NR2C1: variants seen among roughly 807,000 people sequenced by gnomAD.
The protein encoded by NR2C1 is TR2 nuclear hormone receptor.
NR2C1 carries 33 observed loss-of-function variants against 74.8 expected under a neutral mutation model. The ratio of observed to expected loss-of-function variants is 0.44; its 90% CI spans 0.33 to 0.59. NR2C1 has a LOEUF of 0.59. NR2C1 is among the 20% of genes least tolerant of loss of function. The probability of loss-of-function intolerance (pLI) is 0.02; values close to 1 mark genes in which losing one functional copy is unlikely to be tolerated. For missense variants in NR2C1, 568 were observed against 715.6 expected (o/e 0.79, Z 2.35); for synonymous variants, 225 against 240.6 (o/e 0.94, Z 0.60).
rs776957858 is a variant in NR2C1, at chr12:95,057,825, A to G, written c.598T>C (p.Cys200Arg). ...IEVSREKSSN[C>R]AASTEKIYIR... ...TAGATTTTTTCTGTTGAAGCGGCAC[A>G]GTTGGAAGATTTTTCTCGTGATACT... Residue 200 changes from cysteine to arginine, a missense_variant, in exon 6 of 14, where the codon TGT (cysteine) becomes CGT (arginine). Transcript: ENST00000333003. The G allele has an allele frequency of 6.2e-7, 1 of 1,614,078 alleles. No homozygotes were observed. Among genetic ancestry groups the G allele is most frequent in the Non-Finnish European group, 8.5e-7 (1 of 1,179,922 alleles).
In NR2C1 at chr12:95,057,850, T is replaced by A; in HGVS notation, c.573A>T (p.Glu191Asp). 1 of 1,613,952 alleles carries A rather than the reference T, an allele frequency of 6.2e-7. No homozygotes were observed. Among genetic ancestry groups the A allele is most frequent in the Non-Finnish European group, 8.5e-7 (1 of 1,179,858 alleles). ...DSVQCERKPIEVSREKSSNCA... is the reference protein window; with the variant it reads ...DSVQCERKPIDVSREKSSNCA... ...AGTTGGAAGATTTTTCTCGTGATAC[T>A]TCAATGGGTTTTCTTTCACATTGGA... is the stretch of plus-strand genomic sequence containing the variant. Residue 191 changes from glutamate (E) to aspartate (D), a missense_variant, in exon 6 of 14, where the codon GAA (glutamate) becomes GAT (aspartate). This residue lies in a region of NR2C1 where 239 missense variants were observed against 232.3 expected (regional missense o/e 1.03). Coordinates refer to ENST00000333003, the MANE Select transcript of NR2C1 (RefSeq NM_003297.4).
chr12:95,070,734 G>A (rs1429089528), intron 1 of NR2C1, among the ~76,000 whole-genome samples: 2 of 152,082 alleles, frequency 1.3e-5, no homozygotes, highest in East Asian at 3.8e-4. Flanking sequence ...CATTCACAAG[G>A]TGCCTGGCAC....
chr12:95,052,001 G>T, intron 7 of NR2C1, 58 bp from the exon 8 acceptor site: 3 of 1,138,890 alleles, frequency 2.6e-6, no homozygotes, highest in Non-Finnish European at 2.5e-6. Flanking sequence ...TTTTCAATCT[G>T]AAATATCCAA....
chr12:95,037,223 G>A (rs955050747), intron 10 of NR2C1, among the ~76,000 whole-genome samples: 2 of 152,096 alleles, frequency 1.3e-5, no homozygotes, highest in Admixed American at 1.3e-4. Context: ...CCACTACCCC[G>A]CAATGGAATC....
At chr12:95,022,815 C>G (rs1236500347) in intron 13 of NR2C1, among the ~76,000 whole-genome samples, 1 of 151,910 alleles carries the variant, frequency 6.6e-6, no homozygotes, top group Non-Finnish European at 1.5e-5. Flanking sequence ...CCGCCTCAGC[C>G]TCCCAAGTAG....
rs201698034 is a variant in NR2C1 at position 95,057,824 on chromosome 12, C to T, written c.599G>A (p.Cys200Tyr). The change falls in exon 6 of 14, where the codon TGT becomes TAT. Residue 200 changes from cysteine to tyrosine, a missense_variant. Physicochemically the swap from Cys to Tyr is radical, Grantham distance 194 (BLOSUM62 -2). Transcript: ENST00000333003. The part of the protein sequence containing the change: ...IEVSREKSSN[C>Y]AASTEKIYIR... ...ATAGATTTTTTCTGTTGAAGCGGCA[C>T]AGTTGGAAGATTTTTCTCGTGATAC... The T allele has an allele frequency of 6.2e-7, 1 of 1,614,004 alleles. No individual in the cohort carries two copies. The highest frequency in any genetic ancestry group is 1.1e-5 in the South Asian group (1 of 91,082).
Position 95,067,385 on chromosome 12 carries a change from G to A in NR2C1, c.-1C>T. 1 of 1,609,878 alleles carries A rather than the reference G, an allele frequency of 6.2e-7. No homozygotes were observed. The highest frequency in any genetic ancestry group is 8.5e-7 in the Non-Finnish European group (1 of 1,176,356). ...GTGCAATTTCTTCTATGGTTGCCATGATCTACCTGCCAAAAATAAAAAGAT... is the reference window on the plus strand; with the variant it reads ...GTGCAATTTCTTCTATGGTTGCCATAATCTACCTGCCAAAAATAAAAAGAT... On this transcript the variant is annotated 5_prime_UTR_variant, in exon 2 of 14. Transcript: ENST00000333003.
chr12:95,066,984 C>A, intron 2 of NR2C1: 1 of 286,094 alleles, frequency 3.5e-6, no homozygotes, highest in Non-Finnish European at 6.4e-6. Flanking sequence ...TGCTGAACTC[C>A]TACTGATCCC....
At chr12:95,072,455 C>CAAA (rs570185714) in intron 1 of NR2C1, among the ~76,000 whole-genome samples, 9,361 of 60,016 alleles carry the variant, frequency 0.16, 693 homozygotes, top group Non-Finnish European at 0.24. Context: ...CTCTCCCTCT[C>CAAA]AAAAAAAAAA....
Position 95,022,187 on chromosome 12 carries a change from T to C in NR2C1, c.*42A>G. ...GAGTTCAATTTGGTGTCTTGTGTTC[T>C]GGCAAAGAACAGTTAAGTTTACAGC... On this transcript the variant is annotated 3_prime_UTR_variant, in exon 14 of 14. Coordinates refer to ENST00000333003, the MANE Select transcript of NR2C1 (RefSeq NM_003297.4). The C allele has an allele frequency of 6.7e-7, 1 of 1,491,304 alleles. No homozygotes were observed. Among genetic ancestry groups the C allele is most frequent in the Non-Finnish European group, 8.9e-7 (1 of 1,117,418 alleles). The allele number at this position is 1,491,304 out of a possible 1,614,324, so 92.4% of individuals were successfully genotyped here. A position where few individuals can be genotyped will look rare whatever the true frequency, so the allele number is the denominator to read the frequency against.
rs777227647 is a variant in NR2C1, at chr12:95,022,395, C to T, written c.1646G>A (p.Arg549Lys). ...TAAAGCTGGCAATCTGAGTAGTAGT[C>T]TGGATAACCTAAAAAAAGAAAGAAA... is the stretch of plus-strand genomic sequence containing the variant. ...TYPDDTYRLSRLLLRLPALRL... is the reference protein window; with the variant it reads ...TYPDDTYRLSKLLLRLPALRL... Residue 549 changes from arginine (R) to lysine (K), a missense_variant, in exon 14 of 14, where the codon AGA becomes AAA. Physicochemically the swap from Arg to Lys is conservative, Grantham distance 26. This residue lies in a region of NR2C1 where 117 missense variants were observed against 186.7 expected (regional missense o/e 0.63). Transcript: ENST00000333003. 2.5e-6 allele frequency: 4 copies of T among 1,601,490 alleles called. No homozygotes were observed. The highest frequency in any genetic ancestry group is 3.4e-6 in the Non-Finnish European group (4 of 1,177,270).
intron 1 of NR2C1, among the ~76,000 whole-genome samples, chr12:95,067,938 T>C (rs1486668654): frequency 6.9e-6 from 1 of 144,006 alleles, no homozygotes; most frequent in African/African-American, 2.6e-5. Flanking sequence ...TGGAGTGCAG[T>C]GGCATGATCT....
chr12:95,047,810 T>C (rs1404239521), intron 9 of NR2C1, among the ~76,000 whole-genome samples: 1 of 152,228 alleles, frequency 6.6e-6, no homozygotes, highest in African/African-American at 2.4e-5. Flanking sequence ...AGCATGGCTA[T>C]AACTCTGTCC....
At chr12:95,072,693 C>A (rs924476938) in intron 1 of NR2C1, 4 of 152,194 alleles carry the variant, frequency 2.6e-5, no homozygotes, top group East Asian at 3.9e-4. Context: ...ATGGTATCTG[C>A]CCGAGTTGGA....
At chr12:95,059,708 C>G (rs1439366418) in intron 4 of NR2C1, among the ~76,000 whole-genome samples, 198 bp downstream of exon 4, 1 of 152,106 alleles carries the variant, frequency 6.6e-6, no homozygotes, top group Non-Finnish European at 1.5e-5. Flanking sequence ...GACTCTATAT[C>G]ACAAACAAAG....
intron 9 of NR2C1, among the ~76,000 whole-genome samples, chr12:95,047,758 A>G (rs17023614): frequency 0.067 from 10,273 of 152,284 alleles, 517 homozygotes; most frequent in African/African-American, 0.14. Context: ...TTAAAATGGA[A>G]GAGTCAAAAC....
chr12:95,045,108 C>G (rs979094574), intron 9 of NR2C1, among the ~76,000 whole-genome samples: 2 of 152,120 alleles, frequency 1.3e-5, no homozygotes, highest in South Asian at 2.1e-4. Flanking sequence ...TTAATCACTT[C>G]GCCTAATTAC....
chr12:95,049,220 G>T lies in NR2C1; in HGVS notation c.979C>A (p.Leu327Ile). Residue 327 changes from leucine to isoleucine, a missense_variant, in exon 9 of 14, where the codon CTT (leucine) becomes ATT (isoleucine). Leu to Ile is a conservative substitution (Grantham distance 5). Coordinates refer to ENST00000333003, the MANE Select transcript of NR2C1 (RefSeq NM_003297.4). ...NGDVSRAFDTLAKALNPGEST... is the reference protein window; with the variant it reads ...NGDVSRAFDTIAKALNPGEST... ...TCTCCAGGATTCAATGCTTTTGCAA[G>T]AGTGTCAAATGCCCTGTATGAAGAC... 1 of 1,613,826 alleles carries T rather than the reference G, an allele frequency of 6.2e-7. No individual in the cohort carries two copies. Among genetic ancestry groups the T allele is most frequent in the Non-Finnish European group, 8.5e-7 (1 of 1,179,922 alleles).
intron 4 of NR2C1, 41 bp downstream of exon 4, chr12:95,059,864 TA>T (rs2054283218): frequency 2.2e-6 from 3 of 1,372,832 alleles, no homozygotes; most frequent in East Asian, 2.3e-5. Context: ...TATAGGAGGT[TA>T]TTTTTTTTTT....
Sources: allele counts gnomAD v4.1 joint callset (sites outside exome capture counted in the v4.1 genomes callset), GRCh38; gene constraint gnomAD v4.1.1; regional missense constraint gnomAD v4.1.1; transcripts MANE v1.5; gene names NCBI Gene and HGNC (gene_info 2026-07-23, HGNC 2026-07-21).